The following EFL1 variants were observed in gnomAD, a reference collection of about 807,000 sequenced individuals.
EFL1 encodes elongation factor-like GTPase 1.
Under a neutral mutation model 126.7 loss-of-function variants are expected in EFL1, and 76 were observed. That is an observed-to-expected ratio of 0.60 (90% CI 0.50 to 0.73). The LOEUF is 0.73. EFL1 is among the 30% of genes least tolerant of loss of function. The pLI is 0.00. For synonymous variants in EFL1, 410 were observed against 448.4 expected (o/e 0.91, Z 1.08); for missense variants, 1,128 against 1,343.2 (o/e 0.84, Z 2.50).
chr15:82,252,166 T>G (rs558299712), intron 4 of EFL1, among the ~76,000 whole-genome samples: 1 of 152,352 alleles, frequency 6.6e-6, no homozygotes, highest in Admixed American at 6.5e-5. Flanking sequence ...ATTCTCCTAT[T>G]GACATTCAGG....
chr15:82,238,568 T>G, intron 6 of EFL1, 47 bp from the exon 7 acceptor site: 1 of 1,470,422 alleles, frequency 6.8e-7, no homozygotes, highest in South Asian at 1.2e-5. Flanking sequence ...ATGCTCAGCA[T>G]GCTCACGGCA....
In EFL1 at chr15:82,157,816, C is replaced by T; in HGVS notation, c.1927G>A (p.Ala643Thr). 1 of 1,614,010 alleles carries T rather than the reference C, an allele frequency of 6.2e-7. No homozygotes were observed. Among genetic ancestry groups the T allele is most frequent in the East Asian group, 2.2e-5 (1 of 44,868 alleles). The change falls in exon 17 of 20, where the codon GCT becomes ACT. Residue 643 changes from alanine (A) to threonine (T), a missense_variant. Transcript: ENST00000268206. ...ATTAAAATCTGGACACAGGGATCAG[C>T]CTGGTTTAACAGTTTCATTCCTTTT... ...LVKGMKLLNQ[A>T]DPCVQILIQE...
intron 4 of EFL1, among the ~76,000 whole-genome samples, chr15:82,251,033 GA>G (rs1458407329): frequency 6.6e-6 from 1 of 151,854 alleles, no homozygotes; most frequent in Non-Finnish European, 1.5e-5. Context: ...CCAACATGGT[GA>G]AACCCCGCCT....
intron 4 of EFL1, among the ~76,000 whole-genome samples, chr15:82,247,085 T>C (rs1332329126): frequency 6.6e-6 from 1 of 152,034 alleles, no homozygotes; most frequent in African/African-American, 2.4e-5. Context: ...ATCTGGGCTG[T>C]ATGAAGCAGG....
intron 15 of EFL1, among the ~76,000 whole-genome samples, chr15:82,184,931 A>C (rs1236926695): frequency 6.6e-6 from 1 of 152,256 alleles, no homozygotes; most frequent in Admixed American, 6.5e-5. Flanking sequence ...AGTAGTGTGA[A>C]TAGTAAGTCC....
intron 15 of EFL1, among the ~76,000 whole-genome samples, chr15:82,172,176 C>A (rs372732789): frequency 2.0e-5 from 3 of 151,814 alleles, no homozygotes; most frequent in South Asian, 4.2e-4. Context: ...TCTGAAGAAA[C>A]CACGTGCTGG....
At chr15:82,210,870 A>G (rs1453496010) in intron 15 of EFL1, among the ~76,000 whole-genome samples, 2 of 151,914 alleles carry the variant, frequency 1.3e-5, no homozygotes, top group South Asian at 2.1e-4. Flanking sequence ...TACAAAAAAA[A>G]AAAAAAAAAT....
At chr15:82,188,616 A>T (rs1038847168) in intron 15 of EFL1, among the ~76,000 whole-genome samples, 1 of 152,102 alleles carries the variant, frequency 6.6e-6, no homozygotes, top group Non-Finnish European at 1.5e-5. Context: ...TACTCTATCT[A>T]CTTTCCAGGT....
chr15:82,147,587 A>G lies in EFL1; in HGVS notation c.2989+3878T>C, dbSNP rs72749530. Among the ~76,000 whole-genome samples, 972 of 144,274 alleles carry G rather than the reference A, an allele frequency of 6.7e-3. 8 individuals are homozygous for G. The highest frequency in any genetic ancestry group is 8.2e-3 in the Non-Finnish European group (543 of 66,552). The allele number at this position is 144,274 out of a possible 152,430, so 94.6% of individuals were successfully genotyped here. ...AACCTGGGAGAAGAAGGCTGCAGTGAGCTGAGATTGTGCCACTGCAGTCCA... is the reference window on the plus strand; with the variant it reads ...AACCTGGGAGAAGAAGGCTGCAGTGGGCTGAGATTGTGCCACTGCAGTCCA... On this transcript the variant is annotated intron_variant, in intron 18 of 19. Coordinates refer to ENST00000268206, the MANE Select transcript of EFL1 (RefSeq NM_024580.6).
intron 14 of EFL1, among the ~76,000 whole-genome samples, chr15:82,216,153 A>G (rs952132141): frequency 2.0e-5 from 3 of 152,206 alleles, no homozygotes; most frequent in African/African-American, 7.2e-5. Flanking sequence ...TTTTTAGAAT[A>G]GCAACAAAAT....
chr15:82,142,443 T>C lies in EFL1; in HGVS notation c.2990-3601A>G, dbSNP rs531748049. ...AGTTGGAGGCTGCAGTGGACTATGA[T>C]TGTGCCACTGTACTCCAGCCTGGGT... On this transcript the variant is annotated intron_variant, in intron 18 of 19. Coordinates refer to ENST00000268206, the MANE Select transcript of EFL1 (RefSeq NM_024580.6). Among the ~76,000 whole-genome samples, 6 of 152,118 alleles carry C rather than the reference T, an allele frequency of 3.9e-5. No individual in the cohort carries two copies. In the East Asian group the frequency reaches 5.8e-4, roughly 15 times the overall value.
chr15:82,132,360 C>T (rs1191584703), intron 19 of EFL1, among the ~76,000 whole-genome samples: 1 of 151,902 alleles, frequency 6.6e-6, no homozygotes, highest in Non-Finnish European at 1.5e-5. Flanking sequence ...TGCTAAGGAG[C>T]CTCAGTGTGA....
intron 14 of EFL1, among the ~76,000 whole-genome samples, chr15:82,217,593 G>C (rs545021518): frequency 6.7e-6 from 1 of 150,136 alleles, no homozygotes; most frequent in African/African-American, 2.4e-5. Context: ...AGTTTCAAAA[G>C]CATGCAAATG....
chr15:82,154,209 T>C (rs763633636), intron 17 of EFL1, among the ~76,000 whole-genome samples: 2 of 152,184 alleles, frequency 1.3e-5, no homozygotes, highest in Non-Finnish European at 2.9e-5. Flanking sequence ...GTCCTAGCAA[T>C]GCAGAGCCTG....
chr15:82,170,829 A>C (rs941467479), intron 15 of EFL1, among the ~76,000 whole-genome samples: 2 of 152,194 alleles, frequency 1.3e-5, no homozygotes, highest in African/African-American at 4.8e-5. Flanking sequence ...CATTTACCTA[A>C]ATTTATATTT....
intron 15 of EFL1, among the ~76,000 whole-genome samples, chr15:82,190,889 C>T (rs2074352407): frequency 6.6e-6 from 1 of 151,954 alleles, no homozygotes; most frequent in Non-Finnish European, 1.5e-5. Context: ...ATCTACAAAA[C>T]ACTTAAAAAT....
intron 16 of EFL1, among the ~76,000 whole-genome samples, chr15:82,159,135 C>T (rs2073996750): frequency 6.8e-6 from 1 of 146,754 alleles, no homozygotes; most frequent in African/African-American, 2.6e-5. Flanking sequence ...TCATTTGTTC[C>T]TTTTTGGCAT....
At chr15:82,136,502 T>A (rs2073723667) in intron 19 of EFL1, among the ~76,000 whole-genome samples, 1 of 152,216 alleles carries the variant, frequency 6.6e-6, no homozygotes, top group African/African-American at 2.4e-5. Context: ...ACTGAATCTC[T>A]CTGGTTCTAA....
chr15:82,141,500 G>A (rs1396307790), intron 18 of EFL1, among the ~76,000 whole-genome samples: 5 of 151,828 alleles, frequency 3.3e-5, no homozygotes, highest in Non-Finnish European at 5.9e-5. Context: ...TCTCCACATC[G>A]CCACTAACAC....
Sources: gnomAD v4.1 joint callset for allele counts (sites outside exome capture counted in the v4.1 genomes callset) on GRCh38, gnomAD v4.1.1 for gene constraint, MANE v1.5 for transcripts, NCBI Gene and HGNC (gene_info 2026-07-23, HGNC 2026-07-21) for gene names.